Variants in ZNF585A observed in about 807,000 individuals in gnomAD.
The protein encoded by ZNF585A is zinc finger protein 585A.
Under a neutral mutation model 14.9 loss-of-function variants are expected in ZNF585A, and 9 were observed. That is an observed-to-expected ratio of 0.60 (90% CI 0.36 to 1.05). The LOEUF (loss-of-function observed/expected upper bound fraction) is 1.05, where lower values mean the gene tolerates loss of function less well. Among genes scored for constraint, ZNF585A ranks in the 50% least tolerant of loss-of-function variants. The pLI is 0.01. For synonymous variants in ZNF585A, 276 were observed against 319.9 expected (o/e 0.86, Z 1.46); for missense variants, 726 against 926.4 (o/e 0.78, Z 2.81).
At chr19:37,165,434 A>G (rs1439866716) in intron 2 of ZNF585A, 1 of 152,076 alleles carries the variant, frequency 6.6e-6, no homozygotes. Context: ...TTATTTTTCT[A>G]AATTATTTTT....
At chr19:37,166,954 C>A (rs1353514079) in intron 2 of ZNF585A, among the ~76,000 whole-genome samples, 1 of 152,096 alleles carries the variant, frequency 6.6e-6, no homozygotes, top group Non-Finnish European at 1.5e-5. Flanking sequence ...CCACCTCAGC[C>A]TCCTAAGTAG....
intron 2 of ZNF585A, among the ~76,000 whole-genome samples, chr19:37,163,738 G>GACAC (rs148092235): frequency 1.7e-4 from 26 of 149,094 alleles, no homozygotes; most frequent in East Asian, 7.9e-4. Context: ...TCATAAAGAT[G>GACAC]ACACACACAC....
chr19:37,146,435 TGAGGGTG>T lies in ZNF585A; in HGVS notation c.*5147_*5153del, dbSNP rs1398937831. On this transcript the variant is annotated 3_prime_UTR_variant, in exon 5 of 5. Coordinates refer to ENST00000292841, the MANE Select transcript of ZNF585A (RefSeq NM_001288800.2). ...TGGCACTAGTAGCCCATTTGAGAGC[TGAGGGTG>T]GAGGGTGTGATTCATCCTGGCATTA... The T allele has an allele frequency of 3.9e-5, 6 of 152,270 alleles. No homozygotes were observed. Among genetic ancestry groups the T allele is most frequent in the Non-Finnish European group, 8.8e-5 (6 of 68,064 alleles). 9.4% of individuals were successfully genotyped at this position (152,270 alleles called of 1,614,324 possible).
chr19:37,164,308 C>A (rs2145412318), intron 2 of ZNF585A, among the ~76,000 whole-genome samples: 1 of 151,944 alleles, frequency 6.6e-6, no homozygotes, highest in South Asian at 2.1e-4. Context: ...GAGGCTGAGG[C>A]AGGAGAATGG....
intron 2 of ZNF585A, among the ~76,000 whole-genome samples, chr19:37,162,854 G>A (rs561100151): frequency 6.6e-6 from 1 of 152,120 alleles, no homozygotes. Context: ...GGAGGGAAAG[G>A]ATCAGAAAAA....
chr19:37,156,868 T>G (rs910781379), intron 2 of ZNF585A, among the ~76,000 whole-genome samples: 9 of 152,124 alleles, frequency 5.9e-5, no homozygotes, highest in Non-Finnish European at 1.2e-4. Flanking sequence ...ATTTTTGTAT[T>G]TATAGTAGAC....
chr19:37,164,566 T>G (rs1339318713), intron 2 of ZNF585A, among the ~76,000 whole-genome samples: 1 of 145,702 alleles, frequency 6.9e-6, no homozygotes, highest in Non-Finnish European at 1.5e-5. Flanking sequence ...CAAATTTTTT[T>G]CTTTTCAAGT....
rs1971812395 is a variant in ZNF585A at position 37,150,672 on chromosome 19, TAA to T, written c.*915_*916del. The T allele has an allele frequency of 6.6e-6, 1 of 152,508 alleles. No individual in the cohort carries two copies. The highest frequency in any genetic ancestry group is 1.5e-5 in the Non-Finnish European group (1 of 68,168). 9.4% of individuals were successfully genotyped at this position (152,508 alleles called of 1,614,324 possible). A position where few individuals can be genotyped will look rare whatever the true frequency, so the allele number is the denominator to read the frequency against. On this transcript the variant is annotated 3_prime_UTR_variant, in exon 5 of 5. Transcript: ENST00000292841. ...ACATATGGTTGTGTTGGTTTTCATA[TAA>T]GTTATTAATCTGTTACATGAAAGTT...
At chr19:37,155,708 T>C (rs1202832920) in intron 4 of ZNF585A, among the ~76,000 whole-genome samples, 157 bp downstream of exon 4, 1 of 152,140 alleles carries the variant, frequency 6.6e-6, no homozygotes, top group Non-Finnish European at 1.5e-5. Flanking sequence ...ATGCATTTAG[T>C]GATCTGAGAG....
intron 2 of ZNF585A, among the ~76,000 whole-genome samples, chr19:37,169,127 G>A (rs1052811664): frequency 2.6e-5 from 4 of 151,916 alleles, no homozygotes; most frequent in African/African-American, 7.3e-5. Flanking sequence ...TTTGAACGAA[G>A]TGTATATATT....
intron 2 of ZNF585A, among the ~76,000 whole-genome samples, chr19:37,163,007 T>TGAA (rs1972034429): frequency 6.6e-6 from 1 of 152,106 alleles, no homozygotes; most frequent in African/African-American, 2.4e-5. Context: ...ATACCTGAAA[T>TGAA]GAAGACGCAT....
intron 2 of ZNF585A, among the ~76,000 whole-genome samples, chr19:37,157,500 T>C (rs1971949755): frequency 6.6e-6 from 1 of 152,224 alleles, no homozygotes; most frequent in East Asian, 1.9e-4. Flanking sequence ...AGATGCCTTA[T>C]GGTGGAACAC....
chr19:37,155,793 G>T, intron 4 of ZNF585A, 72 bp downstream of exon 4: 1 of 1,515,054 alleles, frequency 6.6e-7, no homozygotes, highest in Non-Finnish European at 9.1e-7. Flanking sequence ...TTCCAAGGGT[G>T]TTGGTGTTTC....
rs376706809 is a variant in ZNF585A, at chr19:37,153,168, C to T, written c.731G>A (p.Cys244Tyr). The T allele has an allele frequency of 1.1e-5, 18 of 1,614,164 alleles. No homozygotes were observed. The highest frequency in any genetic ancestry group is 1.4e-5 in the Non-Finnish European group (16 of 1,180,032). Residue 244 changes from cysteine (C) to tyrosine (Y), a missense_variant, in exon 5 of 5, where the codon TGC (cysteine) becomes TAC (tyrosine). Physicochemically the swap from Cys to Tyr is radical, Grantham distance 194. This residue lies in a region of ZNF585A where 483 missense variants were observed against 542.8 expected (regional missense o/e 0.89). Transcript: ENST00000292841. ...KIHTGERHHE[C>Y]TDCGKAFTQK... is the part of the protein sequence containing the mutation. ...TGTGAATGCTTTGCCACAGTCAGTGCATTCATGGTGTCTCTCTCCAGTATG... is the reference window on the plus strand; with the variant it reads ...TGTGAATGCTTTGCCACAGTCAGTGTATTCATGGTGTCTCTCTCCAGTATG...
chr19:37,152,448 T>C lies in ZNF585A; in HGVS notation c.1451A>G (p.His484Arg), dbSNP rs1971848828. Reference protein sequence around the residue: ...AFTNRSNLITHQKTHTGEKSY... With the variant: ...AFTNRSNLITRQKTHTGEKSY... ...TTTCTCTCCTGTATGAGTTTTCTGATGTGTAATGAGATTTGACCGGTTGGT... is the reference window on the plus strand; with the variant it reads ...TTTCTCTCCTGTATGAGTTTTCTGACGTGTAATGAGATTTGACCGGTTGGT... Residue 484 changes from histidine (H) to arginine (R), a missense_variant, in exon 5 of 5, where the codon CAT becomes CGT. Physicochemically the swap from His to Arg is conservative, Grantham distance 29. Transcript: ENST00000292841. The C allele has an allele frequency of 2.5e-6, 4 of 1,614,148 alleles. No homozygotes were observed. The highest frequency in any genetic ancestry group is 4.5e-5 in the East Asian group (2 of 44,878).
Position 37,152,492 on chromosome 19 carries a change from A to G in ZNF585A, c.1407T>C (p.Asn469=). 6.2e-7 allele frequency: 1 copy of G among 1,614,128 alleles called. No individual in the cohort carries two copies. The highest frequency in any genetic ancestry group is 8.5e-7 in the Non-Finnish European group (1 of 1,180,026). Residue 469 remains asparagine, a synonymous_variant, in exon 5 of 5, where the codon AAT becomes AAC. Coordinates refer to ENST00000292841, the MANE Select transcript of ZNF585A (RefSeq NM_001288800.2). Reference sequence around the variant, plus strand: ...GGTTGGTGAATGCCTTCCCACATTTATTGCACATATAGGGCTTTTCTCCTG... The same window carrying G: ...GGTTGGTGAATGCCTTCCCACATTTGTTGCACATATAGGGCTTTTCTCCTG... ...IHTGEKPYMC[N]KCGKAFTNRS...
chr19:37,167,582 CTTTTTAT>C (rs1299517857), intron 2 of ZNF585A, among the ~76,000 whole-genome samples: 2 of 145,674 alleles, frequency 1.4e-5, no homozygotes, highest in African/African-American at 5.3e-5. Flanking sequence ...GAGCCTTTTA[CTTTTTAT>C]TTTTATTTTA....
At chr19:37,164,264 G>A (rs543162457) in intron 2 of ZNF585A, among the ~76,000 whole-genome samples, 1 of 152,146 alleles carries the variant, frequency 6.6e-6, no homozygotes, top group African/African-American at 2.4e-5. Flanking sequence ...TTAGCAGGGC[G>A]TGGTGGCGGG....
intron 2 of ZNF585A, among the ~76,000 whole-genome samples, chr19:37,161,379 T>C (rs578055421): frequency 1.3e-5 from 2 of 152,300 alleles, no homozygotes; most frequent in Non-Finnish European, 2.9e-5. Context: ...AACTGAAATA[T>C]ACATATTACT....
Sources: allele counts gnomAD v4.1 joint callset (sites outside exome capture counted in the v4.1 genomes callset), GRCh38; gene constraint gnomAD v4.1.1; regional missense constraint gnomAD v4.1.1; transcripts MANE v1.5; gene names NCBI Gene and HGNC (gene_info 2026-07-23, HGNC 2026-07-21).